The following RPS6KC1 variants were observed in gnomAD, a reference collection of about 807,000 sequenced individuals.
RPS6KC1 encodes inactive ribosomal protein S6 kinase delta-1.
A neutral mutation model predicts 103.8 loss-of-function variants in RPS6KC1; 54 were observed. That is an observed-to-expected ratio of 0.52 (90% confidence interval 0.42 to 0.65). The LOEUF (loss-of-function observed/expected upper bound fraction) is 0.65, where lower values mean the gene tolerates loss of function less well. Ranked by LOEUF, RPS6KC1 falls within the 30% of genes least tolerant of loss-of-function variation. The probability of loss-of-function intolerance (pLI) is 0.00; values close to 1 mark genes in which losing one functional copy is unlikely to be tolerated. For missense variants in RPS6KC1, 1,151 were observed against 1,253.8 expected (o/e 0.92, Z 1.24); for synonymous variants, 439 against 438.7 (o/e 1.00, Z -0.01).
chr1:213,542,141 C>G, the RPS6KC1 span, among the ~76,000 whole-genome samples: 1 of 152,186 alleles, frequency 6.6e-6, no homozygotes, highest in Non-Finnish European at 1.5e-5. Context: ...GACAGTGACT[C>G]TGTGGCACAG....
the RPS6KC1 span, among the ~76,000 whole-genome samples, chr1:213,627,199 G>GAGTTCAGTC: frequency 6.6e-6 from 1 of 152,152 alleles, no homozygotes; most frequent in Non-Finnish European, 1.5e-5. Flanking sequence ...TTGTGAATGG[G>GAGTTCAGTC]AGTTCAGTCA....
the RPS6KC1 span, among the ~76,000 whole-genome samples, chr1:213,496,274 C>T: frequency 6.6e-6 from 1 of 152,188 alleles, no homozygotes; most frequent in South Asian, 2.1e-4. Flanking sequence ...CTTATTAAAA[C>T]ATAAAGTGTC....
At chr1:213,262,595 TGTTGA>T in intron 13 of RPS6KC1, 121 bp from the exon 14 acceptor site, 1 of 695,230 alleles carries the variant, frequency 1.4e-6, no homozygotes, top group Non-Finnish European at 2.6e-6. Flanking sequence ...GGCGGCACTG[TGTTGA>T]TTACTACACT....
At chr1:213,252,423 A>G (rs2094562093) in intron 12 of RPS6KC1, among the ~76,000 whole-genome samples, 1 of 152,210 alleles carries the variant, frequency 6.6e-6, no homozygotes, top group South Asian at 2.1e-4. Context: ...TTCCCTTGGA[A>G]GAAAGTTAAA....
chr1:213,543,010 A>G, the RPS6KC1 span, among the ~76,000 whole-genome samples: 1 of 152,222 alleles, frequency 6.6e-6, no homozygotes, highest in African/African-American at 2.4e-5. Context: ...CTGGGGCAAT[A>G]GCTGGGTGAC....
the RPS6KC1 span, among the ~76,000 whole-genome samples, chr1:213,309,948 G>A: frequency 3.3e-5 from 5 of 152,220 alleles, no homozygotes; most frequent in Non-Finnish European, 2.9e-5. Flanking sequence ...ACCTCCCAAA[G>A]TGCTGGGATT....
At chr1:213,539,112 C>T in the RPS6KC1 span, among the ~76,000 whole-genome samples, 1 of 152,206 alleles carries the variant, frequency 6.6e-6, no homozygotes, top group Non-Finnish European at 1.5e-5. Flanking sequence ...ATGCAGTCTG[C>T]ATGAAGGCAG....
chr1:213,273,121 T>C lies in RPS6KC1; in HGVS notation c.*487T>C, dbSNP rs1412509636. 3 of 155,424 alleles carry C rather than the reference T, an allele frequency of 1.9e-5. No homozygotes were observed. Among genetic ancestry groups the C allele is most frequent in the African/African-American group, 7.2e-5 (3 of 41,480 alleles). 9.6% of individuals were successfully genotyped at this position (155,424 alleles called of 1,614,324 possible). The stretch of plus-strand genomic sequence containing the variant: ...GAAACTTAAAAGCGAGAAAAAAGAA[T>C]ATACACATAATTTCTGACGGAAAAC... On this transcript the variant is annotated 3_prime_UTR_variant, in exon 15 of 15. Coordinates refer to ENST00000366960, the MANE Select transcript of RPS6KC1 (RefSeq NM_012424.6).
chr1:213,681,651 A>T, the RPS6KC1 span, among the ~76,000 whole-genome samples: 1 of 152,156 alleles, frequency 6.6e-6, no homozygotes, highest in Non-Finnish European at 1.5e-5. Flanking sequence ...TTAAAAAATT[A>T]GCTGGGCATC....
chr1:213,549,612 C>CTTTTTTTTTTTTTTTTTTTT, the RPS6KC1 span, among the ~76,000 whole-genome samples: 7 of 86,916 alleles, frequency 8.1e-5, no homozygotes, highest in East Asian at 3.5e-4. Flanking sequence ...TTTTCTTTTC[C>CTTTTTTTTTTTTTTTTTTTT]TTTTTTTTTT....
chr1:213,673,673 C>G, the RPS6KC1 span, among the ~76,000 whole-genome samples: 81 of 152,280 alleles, frequency 5.3e-4, no homozygotes, highest in African/African-American at 1.9e-3. Context: ...AATTTTCTGC[C>G]TGTATTATGT....
At chr1:213,559,268 A>C in the RPS6KC1 span, among the ~76,000 whole-genome samples, 1 of 152,188 alleles carries the variant, frequency 6.6e-6, no homozygotes, top group Non-Finnish European at 1.5e-5. Context: ...ACTCATGGCC[A>C]CCACACTGCC....
chr1:213,676,992 G>C, the RPS6KC1 span, among the ~76,000 whole-genome samples: 2 of 152,236 alleles, frequency 1.3e-5, no homozygotes, highest in Admixed American at 1.3e-4. Flanking sequence ...GGAGCAGCAT[G>C]CTGACAGATA....
intron 6 of RPS6KC1, among the ~76,000 whole-genome samples, chr1:213,164,456 A>G (rs1235151086): frequency 6.6e-6 from 1 of 152,262 alleles, no homozygotes; most frequent in Non-Finnish European, 1.5e-5. Context: ...TGAGAAGGTG[A>G]AGAAACACAG....
the RPS6KC1 span, among the ~76,000 whole-genome samples, chr1:213,625,146 G>A: frequency 5.3e-5 from 8 of 151,784 alleles, no homozygotes; most frequent in Non-Finnish European, 8.8e-5. Flanking sequence ...CTAGGACCAC[G>A]CCTGGCCAAA....
chr1:213,645,164 C>A, the RPS6KC1 span, among the ~76,000 whole-genome samples: 3 of 152,112 alleles, frequency 2.0e-5, no homozygotes, highest in African/African-American at 7.2e-5. Flanking sequence ...AAACACAGTG[C>A]TGATGGTGAT....
intron 3 of RPS6KC1, among the ~76,000 whole-genome samples, chr1:213,093,613 T>G (rs932507843): frequency 7.2e-5 from 11 of 152,208 alleles, no homozygotes; most frequent in African/African-American, 2.7e-4. Flanking sequence ...GTAGTTATTG[T>G]TCTAATGGTA....
At chr1:213,547,276 C>G in the RPS6KC1 span, among the ~76,000 whole-genome samples, 4 of 152,242 alleles carry the variant, frequency 2.6e-5, no homozygotes, top group South Asian at 6.2e-4. Context: ...GACTTTGAAG[C>G]CTTACAGATT....
At chr1:213,568,507 T>A in the RPS6KC1 span, among the ~76,000 whole-genome samples, 2 of 152,132 alleles carry the variant, frequency 1.3e-5, no homozygotes, top group African/African-American at 4.8e-5. Context: ...CTAATTATAC[T>A]CCAATAGAAG....
Sources: allele counts gnomAD v4.1 joint callset (sites outside exome capture counted in the v4.1 genomes callset), GRCh38; gene constraint gnomAD v4.1.1; transcripts MANE v1.5; gene names NCBI Gene and HGNC (gene_info 2026-07-23, HGNC 2026-07-21).